MYCBP2: variants seen among roughly 807,000 people sequenced by gnomAD.
MYCBP2 encodes MYC binding protein 2.
Under a neutral mutation model 525.3 loss-of-function variants are expected in MYCBP2, and 120 were observed. That is an observed-to-expected ratio of 0.23 (90% CI 0.20 to 0.27). MYCBP2 has a LOEUF of 0.27. MYCBP2 is among the 10% of genes least tolerant of loss of function. The pLI is 1.00. For synonymous variants in MYCBP2, 1,894 were observed against 1,955.8 expected (o/e 0.97, Z 0.83); for missense variants, 4,149 against 5,657.1 (o/e 0.73, Z 8.55).
At chr13:77,061,584 A>C (rs757566485) in intron 75 of MYCBP2, 78 bp downstream of exon 75, 3 of 1,513,348 alleles carry the variant, frequency 2.0e-6, no homozygotes, top group Non-Finnish European at 2.7e-6. Context: ...TTTTCCCCCT[A>C]CTACACAAAG....
At position 77,097,722 on chromosome 13, in the gene MYCBP2, C is replaced by T; in HGVS notation, c.9432G>A (p.Met3144Ile). Residue 3144 changes from methionine to isoleucine, a missense_variant, in exon 56 of 83, where the codon ATG (methionine) becomes ATA (isoleucine). Coordinates refer to ENST00000544440, the MANE Select transcript of MYCBP2 (RefSeq NM_015057.5). Reference protein sequence around the residue: ...EDGKTETTFEMSMHNTMKSKS... With the variant: ...EDGKTETTFEISMHNTMKSKS... ...TAGACTTCATTGTGTTATGCATGGA[C>T]ATTTCAAAAGTGGTCTCGGTTTTCC... 6.2e-7 allele frequency: 1 copy of T among 1,613,626 alleles called. No individual in the cohort carries two copies. The highest frequency in any genetic ancestry group is 8.5e-7 in the Non-Finnish European group (1 of 1,179,776).
At chr13:77,198,676 G>C (rs994821446) in intron 26 of MYCBP2, among the ~76,000 whole-genome samples, 2 of 152,156 alleles carry the variant, frequency 1.3e-5, no homozygotes, top group African/African-American at 4.8e-5. Flanking sequence ...ATACGAATAG[G>C]TGTGGTAACA....
intron 80 of MYCBP2, among the ~76,000 whole-genome samples, chr13:77,054,149 TG>T (rs1427904532): frequency 2.6e-5 from 4 of 151,710 alleles, no homozygotes; most frequent in Non-Finnish European, 5.9e-5. Context: ...TGTATGGGGT[TG>T]GGGGTGGCAG....
intron 4 of MYCBP2, 45 bp downstream of exon 4, chr13:77,278,713 T>C: frequency 7.1e-7 from 1 of 1,416,732 alleles, no homozygotes; most frequent in South Asian, 1.8e-5. Flanking sequence ...TATTATTAAT[T>C]ATATTCACTT....
intron 55 of MYCBP2, among the ~76,000 whole-genome samples, chr13:77,101,597 A>C (rs1019606068): frequency 3.3e-5 from 5 of 152,192 alleles, no homozygotes; most frequent in African/African-American, 1.2e-4. Flanking sequence ...TATCTCTAAT[A>C]GTGGTGAATA....
chr13:77,271,185 G>T (rs957003790), intron 5 of MYCBP2, among the ~76,000 whole-genome samples: 4 of 151,894 alleles, frequency 2.6e-5, no homozygotes, highest in Admixed American at 2.6e-4. Flanking sequence ...CTAAGGACTT[G>T]GCAGGATTGA....
Position 77,243,965 on chromosome 13 carries a change from C to CAAAAAAAA in MYCBP2, c.2382-22_2382-15dup, listed in dbSNP as rs35429706. The stretch of plus-strand genomic sequence containing the variant: ...CAACCACAGATCCTAGGGGGAAATA[C>CAAAAAAAA]AAAAAAAAAAAAAAAAGACAACTGA... On this transcript the variant is annotated splice_polypyrimidine_tract_variant and intron_variant, in intron 15 of 82. Coordinates refer to ENST00000544440, the MANE Select transcript of MYCBP2 (RefSeq NM_015057.5). The CAAAAAAAA allele has an allele frequency of 1.3e-5, 16 of 1,192,160 alleles. No homozygotes were observed. The highest frequency in any genetic ancestry group is 8.7e-5 in the Admixed American group (2 of 23,104). 73.8% of individuals were successfully genotyped at this position (1,192,160 alleles called of 1,614,324 possible). A position where few individuals can be genotyped will look rare whatever the true frequency, so the allele number is the denominator to read the frequency against.
Position 77,081,413 on chromosome 13 carries a change from G to T in MYCBP2, c.11418+14C>A, listed in dbSNP as rs2275561. The T allele has an allele frequency of 1.2e-6, 2 of 1,606,004 alleles. No individual in the cohort carries two copies. Among genetic ancestry groups the T allele is most frequent in the African/African-American group, 2.7e-5 (2 of 74,714 alleles). On this transcript the variant is annotated intron_variant, in intron 65 of 82. Transcript: ENST00000544440. The surrounding 1 kb of genome is among the most constrained non-coding windows in gnomAD (Gnocchi z 4.6). ...AAAGAGCTAAAGAGCCGTAAATCAC[G>T]TTTGCTTTCTTACCCCAAGATCTCG...
chr13:77,092,282 T>A (rs181576351), intron 59 of MYCBP2, among the ~76,000 whole-genome samples: 2 of 152,290 alleles, frequency 1.3e-5, no homozygotes, highest in East Asian at 3.9e-4. Flanking sequence ...AATCTTCATG[T>A]CATCTTAAAC....
At chr13:77,289,648 C>T (rs568878433) in intron 2 of MYCBP2, among the ~76,000 whole-genome samples, 28 of 152,042 alleles carry the variant, frequency 1.8e-4, no homozygotes, top group Non-Finnish European at 2.9e-4. Flanking sequence ...GCAAATTGGT[C>T]TACTCTCAGC....
At chr13:77,185,491 T>C in intron 31 of MYCBP2, 114 bp from the exon 32 acceptor site, 2 of 1,127,706 alleles carry the variant, frequency 1.8e-6, no homozygotes, top group Non-Finnish European at 2.5e-6. Flanking sequence ...TACTAATATC[T>C]TAGAAATGAA....
Position 77,165,295 on chromosome 13 carries a change from T to C in MYCBP2, c.6437A>G (p.Glu2146Gly), listed in dbSNP as rs2058403578. ...YGFKCFAIGYEFSPGPDEGVI... is the reference protein window; with the variant it reads ...YGFKCFAIGYGFSPGPDEGVI... ...TACCTCATCAGGTCCAGGGCTAAATTCATATCCAATTGCAAAACACTTAAA... is the reference window on the plus strand; with the variant it reads ...TACCTCATCAGGTCCAGGGCTAAATCCATATCCAATTGCAAAACACTTAAA... The change falls in exon 42 of 83, where the codon GAA becomes GGA. Residue 2146 changes from glutamate (E) to glycine (G), a missense_variant. Coordinates refer to ENST00000544440, the MANE Select transcript of MYCBP2 (RefSeq NM_015057.5). 2 of 1,610,350 alleles carry C rather than the reference T, an allele frequency of 1.2e-6. No individual in the cohort carries two copies. Among genetic ancestry groups the C allele is most frequent in the Non-Finnish European group, 1.7e-6 (2 of 1,178,126 alleles).
At chr13:77,231,539 C>T (rs904579670) in intron 18 of MYCBP2, among the ~76,000 whole-genome samples, 3 of 152,224 alleles carry the variant, frequency 2.0e-5, no homozygotes, top group Non-Finnish European at 4.4e-5. Flanking sequence ...TGCCACTGCG[C>T]CCAGCCTCAC....
At chr13:77,205,427 A>G (rs753535447) in intron 25 of MYCBP2, 44 bp from the exon 26 acceptor site, 19 of 1,612,364 alleles carry the variant, frequency 1.2e-5, no homozygotes, top group Admixed American at 8.4e-5. Flanking sequence ...AGATCCATAT[A>G]TATTTCAGTT....
At chr13:77,184,622 T>C (rs546314514) in intron 32 of MYCBP2, among the ~76,000 whole-genome samples, 4 of 152,332 alleles carry the variant, frequency 2.6e-5, no homozygotes, top group African/African-American at 9.6e-5. Flanking sequence ...GTGAATCTAT[T>C]TCTCCCTGTA....
chr13:77,274,889 T>C (rs1594560961), intron 4 of MYCBP2, among the ~76,000 whole-genome samples: 1 of 152,296 alleles, frequency 6.6e-6, no homozygotes, highest in East Asian at 1.9e-4. Context: ...CTCTCTTCAC[T>C]TGTCTGTACA....
intron 65 of MYCBP2, 109 bp from the exon 66 acceptor site, chr13:77,078,998 T>C (rs967554388): frequency 1.0e-5 from 9 of 878,958 alleles, no homozygotes; most frequent in Non-Finnish European, 1.5e-5. Flanking sequence ...CTGTCTCTTA[T>C]GGTCCTTCCT....
chr13:77,097,394 AG>A lies in MYCBP2; in HGVS notation c.9759del (p.Tyr3254IlefsTer3). On this transcript the variant is annotated frameshift_variant, in exon 56 of 83. Coordinates refer to ENST00000544440, the MANE Select transcript of MYCBP2 (RefSeq NM_015057.5). LOFTEE classifies it high-confidence loss of function. ...CCTGGGTGAGCTTGTCTCATGTGAT[AG>A]GTCACCGGGTATGGATGTGACTCCC... ...LCGESHPYPV[T>X]YHMRQAHPGC... is the part of the protein sequence containing the mutation. 1 of 1,606,324 alleles carries A rather than the reference AG, an allele frequency of 6.2e-7. No individual in the cohort carries two copies. The highest frequency in any genetic ancestry group is 8.5e-7 in the Non-Finnish European group (1 of 1,177,698).
intron 52 of MYCBP2, among the ~76,000 whole-genome samples, chr13:77,138,250 G>A (rs916209764): frequency 6.6e-6 from 1 of 151,950 alleles, no homozygotes; most frequent in Non-Finnish European, 1.5e-5. Flanking sequence ...ATACACAAAA[G>A]CATATAAAAA....
Sources: allele counts gnomAD v4.1 joint callset (sites outside exome capture counted in the v4.1 genomes callset), GRCh38; gene constraint gnomAD v4.1.1; non-coding constraint Gnocchi (gnomAD v3.1); transcripts MANE v1.5; gene names NCBI Gene and HGNC (gene_info 2026-07-23, HGNC 2026-07-21).